TAFA2: variants seen among roughly 807,000 people sequenced by gnomAD.
The protein encoded by TAFA2 is TAFA chemokine like family member 2.
In TAFA2, 7 loss-of-function variants were observed where a neutral mutation model predicts 18.8. The ratio of observed to expected loss-of-function variants is 0.37; its 90% CI spans 0.21 to 0.70. TAFA2 has a LOEUF of 0.70. TAFA2 is among the 30% of genes least tolerant of loss of function. The pLI is 0.53. For synonymous variants in TAFA2, 60 were observed against 54.2 expected, an observed-to-expected ratio of 1.11 and a Z score of -0.47; for missense variants, 122 against 158.1, an observed-to-expected ratio of 0.77 and a Z score of 1.23.
chr12:62,234,701 A>C, intron 1 of TAFA2: 2 of 1,050,802 alleles, frequency 1.9e-6, no homozygotes, highest in South Asian at 2.5e-5. Context: ...TGCAGCAGTA[A>C]GGCCTTGCCT....
chr12:62,073,711 T>A (rs1009902840), intron 1 of TAFA2, among the ~76,000 whole-genome samples: 14 of 152,192 alleles, frequency 9.2e-5, no homozygotes, highest in Non-Finnish European at 1.8e-4. Flanking sequence ...ATCCCCTTAT[T>A]TTTTATTACA....
intron 2 of TAFA2, among the ~76,000 whole-genome samples, chr12:61,787,210 A>G (rs1870776263): frequency 6.6e-6 from 1 of 151,566 alleles, no homozygotes; most frequent in African/African-American, 2.4e-5. Context: ...ATTATACTCA[A>G]CAAAGCTATC....
intron 1 of TAFA2, among the ~76,000 whole-genome samples, chr12:62,180,498 A>G (rs542570826): frequency 6.6e-6 from 1 of 152,340 alleles, no homozygotes; most frequent in South Asian, 2.1e-4. Flanking sequence ...CTTTTAAAAT[A>G]CATGCAAAGA....
intron 1 of TAFA2, among the ~76,000 whole-genome samples, chr12:62,093,430 G>A (rs1444256): frequency 0.054 from 8,225 of 152,052 alleles, 333 homozygotes; most frequent in Non-Finnish European, 0.083. Flanking sequence ...AAAATCTATT[G>A]TATATTGGCA....
At chr12:61,966,918 G>A (rs774775390) in intron 1 of TAFA2, among the ~76,000 whole-genome samples, 7 of 151,792 alleles carry the variant, frequency 4.6e-5, no homozygotes, top group African/African-American at 9.7e-5. Flanking sequence ...TCAATGAAAC[G>A]GTCACTTTTC....
At chr12:61,986,256 C>T (rs990609642) in intron 1 of TAFA2, among the ~76,000 whole-genome samples, 1 of 149,592 alleles carries the variant, frequency 6.7e-6, no homozygotes, top group Admixed American at 6.8e-5. Context: ...CCTCTGCCTC[C>T]CAGGTTCAAG....
At chr12:62,075,339 G>A (rs552796131) in intron 1 of TAFA2, among the ~76,000 whole-genome samples, 1 of 152,290 alleles carries the variant, frequency 6.6e-6, no homozygotes, top group South Asian at 2.1e-4. Context: ...TATGTAGGTA[G>A]GACACAGATG....
intron 1 of TAFA2, among the ~76,000 whole-genome samples, chr12:62,227,067 T>A (rs1214560905): frequency 6.6e-6 from 1 of 152,264 alleles, no homozygotes; most frequent in African/African-American, 2.4e-5. Flanking sequence ...CTAGACTATG[T>A]ATCATGACAT....
chr12:62,181,482 A>T (rs2062551408), intron 1 of TAFA2, among the ~76,000 whole-genome samples: 1 of 152,230 alleles, frequency 6.6e-6, no homozygotes, highest in Non-Finnish European at 1.5e-5. Context: ...GAAACTTGTA[A>T]ACACTTAGAA....
intron 2 of TAFA2, among the ~76,000 whole-genome samples, chr12:61,763,343 C>T (rs1185160270): frequency 6.6e-6 from 1 of 151,952 alleles, no homozygotes; most frequent in Non-Finnish European, 1.5e-5. Context: ...AGTATGGTCT[C>T]TATTAACAAA....
chr12:61,716,503 T>C (rs1266898780), intron 4 of TAFA2, among the ~76,000 whole-genome samples: 1 of 152,194 alleles, frequency 6.6e-6, no homozygotes, highest in Non-Finnish European at 1.5e-5. Context: ...TTCCATTTGC[T>C]AGTCTACAAC....
intron 1 of TAFA2, among the ~76,000 whole-genome samples, chr12:62,222,781 T>G (rs2062769484): frequency 6.6e-6 from 1 of 152,006 alleles, no homozygotes. Flanking sequence ...CCCAAAGTGC[T>G]GGGATTACAG....
intron 4 of TAFA2, among the ~76,000 whole-genome samples, chr12:61,728,757 A>G (rs2120639819): frequency 6.6e-6 from 1 of 152,086 alleles, no homozygotes; most frequent in East Asian, 1.9e-4. Flanking sequence ...TTGAGATGTG[A>G]GGTACTATTC....
At chr12:61,836,509 T>G (rs1872925459) in intron 2 of TAFA2, among the ~76,000 whole-genome samples, 1 of 151,712 alleles carries the variant, frequency 6.6e-6, no homozygotes, top group African/African-American at 2.4e-5. Context: ...TTGTGTGTGT[T>G]TTAAATTTTA....
chr12:61,770,196 A>G (rs1869966553), intron 2 of TAFA2, among the ~76,000 whole-genome samples: 1 of 152,088 alleles, frequency 6.6e-6, no homozygotes, highest in South Asian at 2.1e-4. Flanking sequence ...AAAACAAAGA[A>G]AAAAGAATAA....
intron 2 of TAFA2, among the ~76,000 whole-genome samples, chr12:61,787,520 A>C (rs1174639129): frequency 1.3e-5 from 2 of 151,746 alleles, no homozygotes; most frequent in African/African-American, 4.8e-5. Flanking sequence ...GTTAAGGAAC[A>C]CAAAATATAT....
At chr12:62,062,134 A>G (rs1032895931) in intron 1 of TAFA2, among the ~76,000 whole-genome samples, 5 of 152,110 alleles carry the variant, frequency 3.3e-5, no homozygotes, top group African/African-American at 9.7e-5. Context: ...AGATGGTACC[A>G]CTGCACTCCA....
chr12:62,248,211 G>T (rs1415784658), intron 1 of TAFA2, among the ~76,000 whole-genome samples: 2 of 152,150 alleles, frequency 1.3e-5, no homozygotes, highest in African/African-American at 2.4e-5. Context: ...ATTCCAGGTG[G>T]GTCCACCCCA....
At chr12:62,033,352 T>A (rs1046080282) in intron 1 of TAFA2, among the ~76,000 whole-genome samples, 1 of 152,142 alleles carries the variant, frequency 6.6e-6, no homozygotes, top group African/African-American at 2.4e-5. Flanking sequence ...TGACTAAAAA[T>A]GACCTTCATT....
Sources: gnomAD v4.1 joint callset for allele counts (sites outside exome capture counted in the v4.1 genomes callset) on GRCh38, gnomAD v4.1.1 for gene constraint, MANE v1.5 for transcripts, NCBI Gene and HGNC (gene_info 2026-07-23, HGNC 2026-07-21) for gene names.